The following PGA5 variants were observed in gnomAD, a reference collection of about 807,000 sequenced individuals.
PGA5 encodes pepsin A-5.
Under a neutral mutation model 15.9 loss-of-function variants are expected in PGA5, and 19 were observed. The observed-to-expected ratio is 1.19, with a 90% CI of 0.83 to 1.75. The LOEUF (loss-of-function observed/expected upper bound fraction) is 1.75, where lower values mean the gene tolerates loss of function less well. Among genes scored for constraint, PGA5 ranks in the 40% most tolerant of loss-of-function variants. The pLI is 0.00. For missense variants in PGA5, 224 were observed against 246.4 expected, an observed-to-expected ratio of 0.91 and a Z score of 0.61; for synonymous variants, 92 against 95.8, an observed-to-expected ratio of 0.96 and a Z score of 0.23.
In PGA5 at chr11:61,251,230, T is replaced by C; in HGVS notation, c.1116T>C (p.Phe372=). 1 of 1,611,878 alleles carries C rather than the reference T, an allele frequency of 6.2e-7. No homozygotes were observed. The highest frequency in any genetic ancestry group is 1.1e-5 in the South Asian group (1 of 90,980). ...GTGATGTCTTCATCCGCCAGTACTT[T>C]ACCGTCTTCGACAGGGCAAACAACC... ...ILGDVFIRQY[F]TVFDRANNQV... Residue 372 remains phenylalanine, a synonymous_variant, in exon 9 of 9, where the codon TTT becomes TTC. Coordinates refer to ENST00000312403, the MANE Select transcript of PGA5 (RefSeq NM_014224.5).
intron 7 of PGA5, 46 bp downstream of exon 7, chr11:61,249,859 G>A: frequency 1.2e-6 from 2 of 1,613,716 alleles, no homozygotes; most frequent in South Asian, 1.1e-5. Context: ...AGTAGTGGGT[G>A]TGCCAGGCAG....
At position 61,247,601 on chromosome 11, in the gene PGA5, G is replaced by A. The variant is rs116436711; in HGVS notation, c.657-818G>A. Among the ~76,000 whole-genome samples the A allele has an allele frequency of 4.0e-3, 601 of 152,044 alleles. 9 individuals carry two copies. The highest frequency in any genetic ancestry group is 0.013 in the African/African-American group (557 of 41,364). ...CCCGGATAATTAATTTCTTATTGCC[G>A]TCTACATTTCCTTCCACATCTAACC... On this transcript the variant is annotated intron_variant, in intron 5 of 8. Transcript: ENST00000312403.
At chr11:61,249,475 A>C (rs1001195355) in intron 6 of PGA5, 194 bp from the exon 7 acceptor site, 1 of 1,104,986 alleles carries the variant, frequency 9.0e-7, no homozygotes, top group Non-Finnish European at 1.3e-6. Context: ...TGCCTGGCAG[A>C]GGGTAGGCAC....
Position 61,249,951 on chromosome 11 carries a change from C to T in PGA5, c.954C>T (p.Pro318=), listed in dbSNP as rs756526706. ...VVSCSAISSL[P]DIVFTINGVQ... ...GCTGCTCAGCCATCAGCAGCCTGCCCGACATCGTCTTCACCATCAATGGAG... is the reference window on the plus strand; with the variant it reads ...GCTGCTCAGCCATCAGCAGCCTGCCTGACATCGTCTTCACCATCAATGGAG... Residue 318 remains proline (P), a synonymous_variant, in exon 8 of 9, where the codon CCC becomes CCT. Transcript: ENST00000312403. 3.0e-5 allele frequency: 49 copies of T among 1,612,992 alleles called. No homozygotes were observed. Among genetic ancestry groups the T allele is most frequent in the South Asian group, 8.8e-5 (8 of 91,026 alleles).
chr11:61,248,514 A>C lies in PGA5; in HGVS notation c.752A>C (p.Tyr251Ser). Residue 251 changes from tyrosine to serine, a missense_variant, in exon 6 of 9, where the codon TAC becomes TCC. Transcript: ENST00000312403. Reference protein sequence around the residue: ...LNWVPVTVEGYWQITVDSITM... With the variant: ...LNWVPVTVEGSWQITVDSITM... ...TGGGTGCCTGTTACCGTCGAGGGTTACTGGCAGATCACCGTGGACAGGTGA... is the reference window on the plus strand; with the variant it reads ...TGGGTGCCTGTTACCGTCGAGGGTTCCTGGCAGATCACCGTGGACAGGTGA... The C allele has an allele frequency of 6.2e-7, 1 of 1,612,838 alleles. No individual in the cohort carries two copies. Among genetic ancestry groups the C allele is most frequent in the African/African-American group, 1.3e-5 (1 of 74,856 alleles).
chr11:61,247,271 T>C (rs944725999), intron 5 of PGA5, among the ~76,000 whole-genome samples: 5 of 150,928 alleles, frequency 3.3e-5, no homozygotes, highest in Non-Finnish European at 5.9e-5. Context: ...AGTTCTCGGA[T>C]GATTAATTTC....
At chr11:61,248,037 A>G (rs1187257523) in intron 5 of PGA5, 1 of 602,584 alleles carries the variant, frequency 1.7e-6, no homozygotes, top group Non-Finnish European at 2.9e-6. Context: ...CTCCACCCTC[A>G]AGTCCTTAAG....
chr11:61,246,814 T>C (rs1009355349), intron 5 of PGA5, among the ~76,000 whole-genome samples: 3 of 151,744 alleles, frequency 2.0e-5, no homozygotes, highest in Non-Finnish European at 4.4e-5. Context: ...AAAGTGACTA[T>C]ACTTAGACCA....
At chr11:61,247,167 C>A (rs147307670) in intron 5 of PGA5, among the ~76,000 whole-genome samples, 1 of 152,050 alleles carries the variant, frequency 6.6e-6, no homozygotes, top group Admixed American at 6.5e-5. Flanking sequence ...GGTAACTACA[C>A]GTCTAGGTCC....
chr11:61,248,733 G>A (rs1231076096), intron 6 of PGA5, among the ~76,000 whole-genome samples, 198 bp downstream of exon 6: 1 of 152,070 alleles, frequency 6.6e-6, no homozygotes, highest in African/African-American at 2.4e-5. Context: ...GGGAAGAGCT[G>A]TCTGGGAAGC....
intron 6 of PGA5, among the ~76,000 whole-genome samples, chr11:61,249,003 C>G (rs1057002639): frequency 6.6e-6 from 1 of 152,132 alleles, no homozygotes; most frequent in African/African-American, 2.4e-5. Flanking sequence ...TCCCTGGCAG[C>G]TTCATTTCTA....
intron 5 of PGA5, chr11:61,248,033 C>T: frequency 1.7e-6 from 1 of 601,330 alleles, no homozygotes; most frequent in Non-Finnish European, 2.9e-6. Flanking sequence ...TGACCTCCAC[C>T]CTCAAGTCCT....
chr11:61,246,182 C>G, intron 5 of PGA5, 37 bp downstream of exon 5: 1 of 329,794 alleles, frequency 3.0e-6, no homozygotes, highest in South Asian at 2.2e-5. Context: ...CCCACCTCCC[C>G]CTCCAGAGGT....
intron 5 of PGA5, 144 bp from the exon 6 acceptor site, chr11:61,248,275 A>G: frequency 6.3e-7 from 1 of 1,592,872 alleles, no homozygotes; most frequent in Non-Finnish European, 8.6e-7. Context: ...GCCCTGGCCT[A>G]AGAGGAAAAG....
intron 6 of PGA5, 55 bp from the exon 7 acceptor site, chr11:61,249,614 T>G: frequency 6.2e-7 from 1 of 1,613,442 alleles, no homozygotes. Flanking sequence ...TGGTTCCTCC[T>G]TGGAGAGATG....
At position 61,247,058 on chromosome 11, in the gene PGA5, G is replaced by A. The variant is rs373510429; in HGVS notation, c.656+913G>A. ...GAGTGTTATGCAAGAATACCTGAGG[G>A]CATCCTCCACTTTCTTAAGACATTC... On this transcript the variant is annotated intron_variant, in intron 5 of 8. Transcript: ENST00000312403. Among the ~76,000 whole-genome samples, 105 of 152,090 alleles carry A rather than the reference G, an allele frequency of 6.9e-4. 3 individuals are homozygous for A. Among genetic ancestry groups the A allele is most frequent in the African/African-American group, 2.4e-3 (98 of 41,366 alleles).
In PGA5 at chr11:61,251,133, G is replaced by C; in HGVS notation, c.1019G>C (p.Ser340Thr). 6.2e-7 allele frequency: 1 copy of C among 1,611,854 alleles called. No individual in the cohort carries two copies. Among genetic ancestry groups the C allele is most frequent in the Non-Finnish European group, 8.5e-7 (1 of 1,179,868 alleles). Residue 340 changes from serine to threonine, a missense_variant and splice_region_variant, in exon 9 of 9, where the codon AGC becomes ACC. By Grantham distance (58) the Ser-to-Thr change is moderately conservative. Transcript: ENST00000312403. ...CACTTTTATTCTCCTTTTCTCCAGA[G>C]CGAGGGGAGCTGCATCAGTGGCTTC... ...PVPPSAYILQ[S>T]EGSCISGFQG...
At chr11:61,250,648 A>C (rs1854128353) in intron 8 of PGA5, 1 of 461,034 alleles carries the variant, frequency 2.2e-6, no homozygotes, top group African/African-American at 2.0e-5. Flanking sequence ...TTCTGATTAC[A>C]TTAGGAGAGG....
At chr11:61,250,953 G>T (rs1386646945) in intron 8 of PGA5, among the ~76,000 whole-genome samples, 179 bp from the exon 9 acceptor site, 1 of 151,252 alleles carries the variant, frequency 6.6e-6, no homozygotes, top group South Asian at 2.1e-4. Flanking sequence ...GTCGTGCATT[G>T]GATGGCTTCT....
Sources: allele counts gnomAD v4.1 joint callset (sites outside exome capture counted in the v4.1 genomes callset), GRCh38; gene constraint gnomAD v4.1.1; transcripts MANE v1.5; gene names NCBI Gene and HGNC (gene_info 2026-07-23, HGNC 2026-07-21).